KIAA1958: variants seen among roughly 807,000 people sequenced by gnomAD.
KIAA1958 encodes uncharacterized protein KIAA1958.
Under a neutral mutation model 47.2 loss-of-function variants are expected in KIAA1958, and 14 were observed. The observed-to-expected ratio is 0.30, with a 90% CI of 0.20 to 0.46. The LOEUF (loss-of-function observed/expected upper bound fraction) is 0.46, where lower values mean the gene tolerates loss of function less well. KIAA1958 is among the 20% of genes least tolerant of loss of function. The probability of loss-of-function intolerance (pLI) is 1.00; values close to 1 mark genes in which losing one functional copy is unlikely to be tolerated. For missense variants in KIAA1958, 803 were observed against 909.2 expected, an observed-to-expected ratio of 0.88 and a Z score of 1.50; for synonymous variants, 354 against 353.3, an observed-to-expected ratio of 1.00 and a Z score of -0.02.
chr9:112,609,092 G>C (rs1836282346), intron 2 of KIAA1958, among the ~76,000 whole-genome samples: 2 of 152,174 alleles, frequency 1.3e-5, no homozygotes. Context: ...AAGAGGAGCT[G>C]AGCAAGAGCC....
intron 2 of KIAA1958, among the ~76,000 whole-genome samples, chr9:112,622,436 A>G (rs1434488180): frequency 6.6e-6 from 1 of 152,218 alleles, no homozygotes; most frequent in Non-Finnish European, 1.5e-5. Flanking sequence ...TCTTTCTACC[A>G]TATTCATGTG....
intron 2 of KIAA1958, among the ~76,000 whole-genome samples, chr9:112,623,444 G>C (rs1402001044): frequency 6.6e-6 from 1 of 152,168 alleles, no homozygotes; most frequent in Non-Finnish European, 1.5e-5. Context: ...TTTTTCTGCT[G>C]TAGCTACTTG....
chr9:112,610,294 G>A (rs1836304141), intron 2 of KIAA1958, among the ~76,000 whole-genome samples: 1 of 151,582 alleles, frequency 6.6e-6, no homozygotes. Context: ...AAGAAATTAA[G>A]CATCCAATTC....
chr9:112,594,063 C>G (rs1156636439), intron 2 of KIAA1958, among the ~76,000 whole-genome samples: 1 of 152,084 alleles, frequency 6.6e-6, no homozygotes, highest in Admixed American at 6.6e-5. Context: ...CAGGGTCTCA[C>G]TACATTGCCC....
intron 1 of KIAA1958, among the ~76,000 whole-genome samples, chr9:112,545,634 A>G (rs1835015493): frequency 6.6e-6 from 1 of 152,164 alleles, no homozygotes; most frequent in African/African-American, 2.4e-5. Context: ...TTTAACACTT[A>G]GGATTCGTGC....
At position 112,504,185 on chromosome 9, in the gene KIAA1958, T is replaced by C. The variant is rs541360422; in HGVS notation, c.-25+17067T>C. On this transcript the variant is annotated intron_variant, in intron 1 of 3. Transcript: ENST00000337530. Reference sequence around the variant, plus strand: ...TTGAACCAGAAGGAACTGTAGAGATTATCTTTTTTTTTTTTTTTGGAGACA... The same window carrying C: ...TTGAACCAGAAGGAACTGTAGAGATCATCTTTTTTTTTTTTTTTGGAGACA... Among the ~76,000 whole-genome samples, 427 of 149,338 alleles carry C rather than the reference T, an allele frequency of 2.9e-3. 5 individuals are homozygous for C. The highest frequency in any genetic ancestry group is 0.014 in the Middle Eastern group (4 of 286).
At chr9:112,521,282 C>T (rs1314269410) in intron 1 of KIAA1958, among the ~76,000 whole-genome samples, 2 of 152,110 alleles carry the variant, frequency 1.3e-5, no homozygotes, top group Non-Finnish European at 2.9e-5. Flanking sequence ...AATCATAGCT[C>T]ACTGTAACTG....
chr9:112,496,158 A>G (rs1387898784), intron 1 of KIAA1958, among the ~76,000 whole-genome samples: 2 of 152,240 alleles, frequency 1.3e-5, no homozygotes, highest in Non-Finnish European at 2.9e-5. Flanking sequence ...GTGATTTGTT[A>G]TACAGCAATA....
chr9:112,590,420 C>G (rs919859289), intron 2 of KIAA1958, among the ~76,000 whole-genome samples: 1 of 150,732 alleles, frequency 6.6e-6, no homozygotes, highest in Non-Finnish European at 1.5e-5. Flanking sequence ...GGCGCGATCT[C>G]CGCTCACTGC....
chr9:112,629,377 C>T (rs916277751), intron 2 of KIAA1958, among the ~76,000 whole-genome samples: 4 of 152,052 alleles, frequency 2.6e-5, no homozygotes, highest in East Asian at 3.8e-4. Flanking sequence ...ACATGAAAAA[C>T]GCACGTGTGC....
chr9:112,527,936 C>CA (rs34568466), intron 1 of KIAA1958, among the ~76,000 whole-genome samples: 82 of 124,938 alleles, frequency 6.6e-4, no homozygotes, highest in African/African-American at 1.8e-3. Context: ...GACCCTTTCT[C>CA]AAAAAAAAAA....
intron 1 of KIAA1958, among the ~76,000 whole-genome samples, chr9:112,522,872 G>T (rs966800175): frequency 6.6e-6 from 1 of 152,098 alleles, no homozygotes; most frequent in Non-Finnish European, 1.5e-5. Flanking sequence ...CCATTGTGTC[G>T]ACCCTAACAT....
At chr9:112,586,657 G>A (rs533621546) in intron 2 of KIAA1958, among the ~76,000 whole-genome samples, 219 of 152,260 alleles carry the variant, frequency 1.4e-3, no homozygotes, top group African/African-American at 5.1e-3. Context: ...GTTTGCCTGT[G>A]TATGATTAAG....
At chr9:112,560,505 A>G (rs993462314) in intron 1 of KIAA1958, among the ~76,000 whole-genome samples, 28 of 152,064 alleles carry the variant, frequency 1.8e-4, no homozygotes, top group Admixed American at 6.5e-5. Flanking sequence ...TTTTTGATAT[A>G]GTATCAGTAT....
chr9:112,651,088 G>A (rs1348478987), intron 3 of KIAA1958, among the ~76,000 whole-genome samples: 1 of 152,166 alleles, frequency 6.6e-6, no homozygotes, highest in Non-Finnish European at 1.5e-5. Flanking sequence ...GGAGATTTCA[G>A]TACTTCTCCC....
intron 1 of KIAA1958, among the ~76,000 whole-genome samples, chr9:112,553,647 G>A (rs1483887296): frequency 6.6e-6 from 1 of 152,190 alleles, no homozygotes; most frequent in Non-Finnish European, 1.5e-5. Flanking sequence ...ACATTACACT[G>A]TGTACTGTTA....
At chr9:112,496,805 T>A (rs1479078239) in intron 1 of KIAA1958, among the ~76,000 whole-genome samples, 1 of 152,148 alleles carries the variant, frequency 6.6e-6, no homozygotes, top group African/African-American at 2.4e-5. Context: ...TTAAAAAAGA[T>A]CCTCTCTTTT....
intron 1 of KIAA1958, among the ~76,000 whole-genome samples, chr9:112,520,532 A>G (rs973181887): frequency 2.6e-5 from 4 of 152,200 alleles, no homozygotes; most frequent in Admixed American, 6.5e-5. Context: ...AACTATAGAT[A>G]GGAGAGTGGC....
At chr9:112,637,621 C>T (rs556240198) in intron 2 of KIAA1958, among the ~76,000 whole-genome samples, 1 of 152,086 alleles carries the variant, frequency 6.6e-6, no homozygotes, top group Non-Finnish European at 1.5e-5. Flanking sequence ...CGTGATCTGC[C>T]CACCTCGGCC....
Sources: gnomAD v4.1 joint callset for allele counts (sites outside exome capture counted in the v4.1 genomes callset) on GRCh38, gnomAD v4.1.1 for gene constraint, MANE v1.5 for transcripts, NCBI Gene and HGNC (gene_info 2026-07-23, HGNC 2026-07-21) for gene names.